AEBP2: variants seen among roughly 807,000 people sequenced by gnomAD.
The protein encoded by AEBP2 is zinc finger protein AEBP2.
Under a neutral mutation model 50.8 loss-of-function variants are expected in AEBP2, and 10 were observed. That is an observed-to-expected ratio of 0.20 (90% CI 0.12 to 0.33). The LOEUF (loss-of-function observed/expected upper bound fraction) is 0.33, where lower values mean the gene tolerates loss of function less well. Ranked by LOEUF, AEBP2 falls within the 10% of genes least tolerant of loss-of-function variation. AEBP2 has a pLI of 1.00. For synonymous variants in AEBP2, 296 were observed against 261.3 expected (o/e 1.13, Z -1.28); for missense variants, 570 against 688.0 (o/e 0.83, Z 1.92).
chr12:19,484,885 C>T lies in AEBP2; in HGVS notation c.988-8915C>T, dbSNP rs192697482. Among the ~76,000 whole-genome samples, 45 of 152,150 alleles carry T rather than the reference C, an allele frequency of 3.0e-4. 1 individual carries two copies. In the Middle Eastern group the frequency reaches 0.017, roughly 58 times the overall value. On this transcript the variant is annotated intron_variant, in intron 3 of 7. Coordinates refer to ENST00000266508, the MANE Select transcript of AEBP2 (RefSeq NM_153207.5). ...TGGGGCACAGGTCCTATTACTTTAA[C>T]ACCCCAGTGTTTCCTGTAGTCATAC... is the stretch of plus-strand genomic sequence containing the variant.
At chr12:19,445,136 A>G (rs1168861820) in intron 1 of AEBP2, among the ~76,000 whole-genome samples, 1 of 152,124 alleles carries the variant, frequency 6.6e-6, no homozygotes, top group African/African-American at 2.4e-5. Flanking sequence ...GTACACGTTC[A>G]TTAAGTGTTT....
chr12:19,514,056 G>T (rs1053136175), intron 6 of AEBP2, among the ~76,000 whole-genome samples: 2 of 151,320 alleles, frequency 1.3e-5, no homozygotes, highest in Admixed American at 6.6e-5. Context: ...CTGCAGTGCA[G>T]TGGTGCACTC....
intron 3 of AEBP2, among the ~76,000 whole-genome samples, chr12:19,486,894 A>G (rs1009040903): frequency 5.9e-5 from 9 of 151,734 alleles, no homozygotes; most frequent in African/African-American, 1.9e-4. Context: ...CTGGCCTCCA[A>G]CGATCTACCC....
At chr12:19,460,912 C>T (rs1948363573) in intron 1 of AEBP2, among the ~76,000 whole-genome samples, 1 of 152,222 alleles carries the variant, frequency 6.6e-6, no homozygotes, top group African/African-American at 2.4e-5. Flanking sequence ...CTGCGGCCTC[C>T]CAAAGTGCTG....
chr12:19,476,454 G>A (rs1031701784), intron 3 of AEBP2, among the ~76,000 whole-genome samples: 7 of 152,162 alleles, frequency 4.6e-5, no homozygotes, highest in South Asian at 2.1e-4. Flanking sequence ...CAATTCTCCC[G>A]CCTCAGACTC....
intron 1 of AEBP2, among the ~76,000 whole-genome samples, chr12:19,409,790 C>G (rs545099037): frequency 6.6e-6 from 1 of 152,292 alleles, no homozygotes; most frequent in East Asian, 1.9e-4. Flanking sequence ...TAGGAATCTT[C>G]TTTTCTAAGT....
chr12:19,450,519 A>G (rs1026788116), intron 1 of AEBP2, among the ~76,000 whole-genome samples: 5 of 143,238 alleles, frequency 3.5e-5, no homozygotes, highest in Admixed American at 7.4e-5. Context: ...TACACTAGAT[A>G]AAAGTTTTGC....
At position 19,519,130 on chromosome 12, in the gene AEBP2, A is replaced by C. The variant is rs1387814241; in HGVS notation, c.*1013A>C. ...GCCATATCGATTTTTTTTAACTTAC[A>C]GAAATGGAAATATGTGTAACTTGTT... On this transcript the variant is annotated 3_prime_UTR_variant, in exon 8 of 8. Coordinates refer to ENST00000266508, the MANE Select transcript of AEBP2 (RefSeq NM_153207.5). 1 of 152,930 alleles carries C rather than the reference A, an allele frequency of 6.5e-6. No individual in the cohort carries two copies. Among genetic ancestry groups the C allele is most frequent in the Non-Finnish European group, 1.5e-5 (1 of 68,264 alleles). The allele number at this position is 152,930 out of a possible 1,614,324, so 9.5% of individuals were successfully genotyped here.
chr12:19,433,096 A>G (rs114627994), intron 1 of AEBP2, among the ~76,000 whole-genome samples: 1,639 of 152,206 alleles, frequency 0.011, 17 homozygotes, highest in African/African-American at 0.037. Context: ...TAAAAAAAAA[A>G]ATTTCTGGGC....
chr12:19,499,958 A>G, intron 4 of AEBP2, 139 bp from the exon 5 acceptor site: 1 of 825,358 alleles, frequency 1.2e-6, no homozygotes, highest in Non-Finnish European at 1.9e-6. Flanking sequence ...TCTTATCTAG[A>G]GTCCATGTTT....
At chr12:19,428,732 G>C (rs577204179) in intron 1 of AEBP2, among the ~76,000 whole-genome samples, 25 of 152,134 alleles carry the variant, frequency 1.6e-4, no homozygotes, top group Non-Finnish European at 2.9e-4. Flanking sequence ...AGAATCCCTT[G>C]AACCTGGGAG....
chr12:19,481,539 T>G (rs1346980411), intron 3 of AEBP2, among the ~76,000 whole-genome samples: 1 of 151,946 alleles, frequency 6.6e-6, no homozygotes, highest in African/African-American at 2.4e-5. Context: ...TGGTACAGTC[T>G]TGGTTTATTG....
At chr12:19,512,336 A>G in intron 5 of AEBP2, 62 bp from the exon 6 acceptor site, 10 of 1,234,066 alleles carry the variant, frequency 8.1e-6, no homozygotes, top group Non-Finnish European at 1.1e-5. Flanking sequence ...GTGTTTTTTA[A>G]CAATACATGA....
chr12:19,416,439 C>G (rs1159646679), intron 1 of AEBP2, among the ~76,000 whole-genome samples: 1 of 151,040 alleles, frequency 6.6e-6, no homozygotes, highest in Non-Finnish European at 1.5e-5. Context: ...GAGTTTCACT[C>G]TTGTCACCCA....
At position 19,434,276 on chromosome 12, in the gene AEBP2, C is replaced by T. The variant is rs542491258; in HGVS notation, c.-16-28234C>T. 2.9e-3 allele frequency among the ~76,000 whole-genome samples: 434 copies of T among 151,182 alleles called. 1 individual carries two copies. Among genetic ancestry groups the T allele is most frequent in the Non-Finnish European group, 4.9e-3 (334 of 67,802 alleles). ...ACAACCTCCACCTCCCGGGTTCAAGCGATTCTCCTGCCTCAGCCTCCCGAG... is the reference window on the plus strand; with the variant it reads ...ACAACCTCCACCTCCCGGGTTCAAGTGATTCTCCTGCCTCAGCCTCCCGAG... On this transcript the variant is annotated intron_variant, in intron 1 of 3. Coordinates refer to the AEBP2 transcript ENST00000538425.
intron 3 of AEBP2, among the ~76,000 whole-genome samples, chr12:19,484,148 A>T (rs1948771577): frequency 6.6e-6 from 1 of 151,306 alleles, no homozygotes; most frequent in Middle Eastern, 3.2e-3. Flanking sequence ...CAGTGGCATG[A>T]TGTGGGCTCA....
chr12:19,488,837 C>T (rs1948855150), intron 3 of AEBP2, among the ~76,000 whole-genome samples: 2 of 152,072 alleles, frequency 1.3e-5, no homozygotes, highest in African/African-American at 4.8e-5. Flanking sequence ...TGCTCTGTCA[C>T]CCAGAGCAAT....
At chr12:19,488,813 T>G (rs921236680) in intron 3 of AEBP2, among the ~76,000 whole-genome samples, 3 of 152,188 alleles carry the variant, frequency 2.0e-5, no homozygotes, top group Admixed American at 2.0e-4. Context: ...TTTTTGTTAT[T>G]TGAGATGGAC....
intron 3 of AEBP2, among the ~76,000 whole-genome samples, chr12:19,477,273 T>C (rs7297210): frequency 0.5 from 76,075 of 151,900 alleles, 20,194 homozygotes; most frequent in Non-Finnish European, 0.61. Flanking sequence ...TATTTCCTCT[T>C]ACCTATTCGG....
Sources: allele counts gnomAD v4.1 joint callset (sites outside exome capture counted in the v4.1 genomes callset), GRCh38; gene constraint gnomAD v4.1.1; transcripts MANE v1.5; gene names NCBI Gene and HGNC (gene_info 2026-07-23, HGNC 2026-07-21).